Variants in UTRN observed in about 807,000 individuals in gnomAD.
UTRN encodes the protein dystrophin-related protein 1.
Under a neutral mutation model 463.9 loss-of-function variants are expected in UTRN, and 283 were observed. The ratio of observed to expected loss-of-function variants is 0.61; its 90% CI spans 0.55 to 0.67. The LOEUF (loss-of-function observed/expected upper bound fraction) is 0.67, where lower values mean the gene tolerates loss of function less well. UTRN is among the 30% of genes least tolerant of loss of function. The pLI is 0.00. For missense variants in UTRN, 3,922 were observed against 4,084.3 expected, an observed-to-expected ratio of 0.96 and a Z score of 1.08; for synonymous variants, 1,442 against 1,431.5, an observed-to-expected ratio of 1.01 and a Z score of -0.17.
intron 58 of UTRN, among the ~76,000 whole-genome samples, chr6:144,767,862 A>G (rs73007418): frequency 0.022 from 3,362 of 152,250 alleles, 58 homozygotes; most frequent in Non-Finnish European, 0.032. Flanking sequence ...TATAATTATA[A>G]TTGGAATGGA....
chr6:144,394,130 C>A (rs1782186063), intron 2 of UTRN, among the ~76,000 whole-genome samples: 1 of 152,152 alleles, frequency 6.6e-6, no homozygotes, highest in Non-Finnish European at 1.5e-5. Flanking sequence ...GAGTTGTTGG[C>A]TTCAGAATGT....
chr6:144,676,330 A>T (rs116593134), intron 51 of UTRN, among the ~76,000 whole-genome samples: 3,382 of 152,254 alleles, frequency 0.022, 126 homozygotes, highest in African/African-American at 0.076. Flanking sequence ...GATCTTTCAC[A>T]TCAATAATAA....
At chr6:144,732,243 T>TACAC (rs1423682997) in intron 54 of UTRN, among the ~76,000 whole-genome samples, 58 of 100,964 alleles carry the variant, frequency 5.7e-4, no homozygotes, top group East Asian at 2.6e-3. Flanking sequence ...TATATACATA[T>TACAC]ATATATATAT....
chr6:144,450,188 C>T (rs1788122278), intron 17 of UTRN, among the ~76,000 whole-genome samples: 1 of 152,190 alleles, frequency 6.6e-6, no homozygotes, highest in African/African-American at 2.4e-5. Flanking sequence ...TCAGTGAACA[C>T]TAAAGGATAA....
At chr6:144,603,719 G>T (rs576826163) in intron 51 of UTRN, among the ~76,000 whole-genome samples, 7 of 152,164 alleles carry the variant, frequency 4.6e-5, no homozygotes, top group African/African-American at 1.2e-4. Context: ...CATGAAAAAA[G>T]TAGACATTCC....
intron 13 of UTRN, 71 bp from the exon 14 acceptor site, chr6:144,444,206 CATGA>C (rs1787440138): frequency 8.5e-7 from 1 of 1,177,618 alleles, no homozygotes; most frequent in Admixed American, 2.5e-5. Context: ...CAATGGAAAT[CATGA>C]ATTTCTTCAA....
chr6:144,454,244 G>C (rs1295622446), intron 19 of UTRN, among the ~76,000 whole-genome samples: 2 of 152,118 alleles, frequency 1.3e-5, no homozygotes, highest in African/African-American at 4.8e-5. Flanking sequence ...GGGAAACGAA[G>C]TTACGTTAAA....
At chr6:144,761,056 T>C (rs1020861941) in intron 58 of UTRN, among the ~76,000 whole-genome samples, 4 of 152,270 alleles carry the variant, frequency 2.6e-5, no homozygotes, top group South Asian at 2.1e-4. Context: ...CCATGGCTCA[T>C]GTGTTTGTAG....
At position 144,459,020 on chromosome 6, in the gene UTRN, C is replaced by G. The variant is rs1483431178; in HGVS notation, c.2526+9C>G. On this transcript the variant is annotated intron_variant, in intron 20 of 74. Coordinates refer to ENST00000367545, the MANE Select transcript of UTRN (RefSeq NM_007124.3). The stretch of plus-strand genomic sequence containing the variant: ...TGAAGGATTCCTGTCAGGTAAGGAG[C>G]CAACGGTCTGGAAAGTGGAGGAATT... The G allele has an allele frequency of 1.4e-5, 23 of 1,590,404 alleles. No homozygotes were observed. Among genetic ancestry groups the G allele is most frequent in the Non-Finnish European group, 2.0e-5 (23 of 1,169,656 alleles).
At chr6:144,511,229 AC>A (rs1451928157) in intron 35 of UTRN, 106 bp downstream of exon 35, 1 of 1,122,100 alleles carries the variant, frequency 8.9e-7, no homozygotes, top group African/African-American at 1.6e-5. Flanking sequence ...ACTGTGTGTC[AC>A]AGTGATGTTT....
chr6:144,393,266 G>T (rs1198192895), intron 2 of UTRN, among the ~76,000 whole-genome samples: 1 of 152,104 alleles, frequency 6.6e-6, no homozygotes, highest in African/African-American at 2.4e-5. Flanking sequence ...AGCTAAATTT[G>T]CAACTCCTTA....
chr6:144,433,047 T>G (rs1786038838), intron 9 of UTRN, among the ~76,000 whole-genome samples: 2 of 152,212 alleles, frequency 1.3e-5, no homozygotes, highest in Non-Finnish European at 2.9e-5. Flanking sequence ...GAATTTTTCT[T>G]AGTACAGAAC....
At chr6:144,737,874 T>G (rs1459738513) in intron 54 of UTRN, among the ~76,000 whole-genome samples, 3 of 152,102 alleles carry the variant, frequency 2.0e-5, no homozygotes, top group Non-Finnish European at 4.4e-5. Flanking sequence ...TGTTAGAAAG[T>G]ATCACAGTAC....
intron 2 of UTRN, among the ~76,000 whole-genome samples, chr6:144,349,969 C>T (rs1442922375): frequency 6.6e-6 from 1 of 152,172 alleles, no homozygotes; most frequent in African/African-American, 2.4e-5. Context: ...TCCCACTGAA[C>T]TAGACCTTTC....
At chr6:144,547,142 T>C (rs1196899860) in intron 46 of UTRN, among the ~76,000 whole-genome samples, 6 of 152,248 alleles carry the variant, frequency 3.9e-5, no homozygotes, top group Admixed American at 3.9e-4. Flanking sequence ...TTCATTTTAA[T>C]TTGTACTATC....
At chr6:144,382,114 GC>G (rs1264442407) in intron 2 of UTRN, among the ~76,000 whole-genome samples, 1 of 152,004 alleles carries the variant, frequency 6.6e-6, no homozygotes, top group Admixed American at 6.6e-5. Flanking sequence ...GTGATGTTGA[GC>G]TTTTTTTAAT....
intron 51 of UTRN, among the ~76,000 whole-genome samples, chr6:144,609,433 A>G (rs951319021): frequency 1.3e-5 from 2 of 152,244 alleles, no homozygotes; most frequent in Non-Finnish European, 2.9e-5. Context: ...GCACCTAAAT[A>G]TATAAAGCAA....
chr6:144,813,833 G>A (rs1218594971), intron 65 of UTRN, among the ~76,000 whole-genome samples: 1 of 152,198 alleles, frequency 6.6e-6, no homozygotes, highest in Admixed American at 6.5e-5. Context: ...GCAGAGGCTA[G>A]GGTAAAAAAG....
At chr6:144,813,179 TTTTA>T (rs548794203) in intron 65 of UTRN, among the ~76,000 whole-genome samples, 84 of 151,402 alleles carry the variant, frequency 5.5e-4, no homozygotes, top group Middle Eastern at 6.8e-3. Context: ...TTATTTTTAT[TTTTA>T]TTTATTTATT....
Sources: gnomAD v4.1 joint callset for allele counts (sites outside exome capture counted in the v4.1 genomes callset) on GRCh38, gnomAD v4.1.1 for gene constraint, MANE v1.5 for transcripts, NCBI Gene and HGNC (gene_info 2026-07-23, HGNC 2026-07-21) for gene names.